RALGAPA2: variants seen among roughly 807,000 people sequenced by gnomAD.
RALGAPA2 encodes the protein Ral GTPase activating protein catalytic subunit alpha 2.
RALGAPA2 carries 139 observed loss-of-function variants against 230.4 expected under a neutral mutation model. That is an observed-to-expected ratio of 0.60 (90% CI 0.53 to 0.69). The LOEUF (loss-of-function observed/expected upper bound fraction) is 0.69, where lower values mean the gene tolerates loss of function less well. Among genes scored for constraint, RALGAPA2 ranks in the 30% least tolerant of loss-of-function variants. The pLI is 0.00. For synonymous variants in RALGAPA2, 847 were observed against 837.8 expected (o/e 1.01, Z -0.19); for missense variants, 2,163 against 2,276.0 (o/e 0.95, Z 1.01).
intron 9 of RALGAPA2, among the ~76,000 whole-genome samples, chr20:20,630,681 C>G (rs1045892347): frequency 6.6e-6 from 1 of 152,148 alleles, no homozygotes; most frequent in African/African-American, 2.4e-5. Context: ...GAAGCTTCAG[C>G]AGGAATGACT....
intron 35 of RALGAPA2, 127 bp downstream of exon 35, chr20:20,503,224 A>T: frequency 1.1e-6 from 1 of 938,656 alleles, no homozygotes. Context: ...CCCAAACCTT[A>T]ATCTCAGGGT....
chr20:20,674,926 G>A (rs541627536), intron 3 of RALGAPA2, among the ~76,000 whole-genome samples: 2 of 152,290 alleles, frequency 1.3e-5, no homozygotes, highest in African/African-American at 4.8e-5. Context: ...GTAGCTTTTA[G>A]TTCCTAAAAT....
chr20:20,528,071 G>C (rs1435354212), intron 27 of RALGAPA2, among the ~76,000 whole-genome samples: 1 of 152,154 alleles, frequency 6.6e-6, no homozygotes. Context: ...CCTGGAGAAT[G>C]CAGGGGGGAT....
chr20:20,618,704 G>A (rs2066228260), intron 12 of RALGAPA2, among the ~76,000 whole-genome samples: 1 of 152,156 alleles, frequency 6.6e-6, no homozygotes, highest in South Asian at 2.1e-4. Context: ...AGCTACATGA[G>A]ATCTGAGAGG....
intron 18 of RALGAPA2, 49 bp downstream of exon 18, chr20:20,589,219 T>C: frequency 6.6e-7 from 1 of 1,515,686 alleles, no homozygotes; most frequent in Middle Eastern, 1.7e-4. Context: ...TGAGCACTAA[T>C]TAATGTTTAT....
At chr20:20,583,322 A>ACGCAGT in intron 19 of RALGAPA2, 96 bp from the exon 20 acceptor site, 1 of 1,286,398 alleles carries the variant, frequency 7.8e-7, no homozygotes, top group South Asian at 1.5e-5. Flanking sequence ...CAAACAGCAG[A>ACGCAGT]CACAGTAGGA....
At position 20,575,470 on chromosome 20, in the gene RALGAPA2, T is replaced by G. The variant is rs571425896; in HGVS notation, c.2708-2402A>C. On this transcript the variant is annotated intron_variant, in intron 20 of 39. Transcript: ENST00000202677. The stretch of plus-strand genomic sequence containing the variant: ...TGCTCAAAGAGTATGAAAACTCTCC[T>G]TTAATCCCTCTGTTTTCAAGACAGC... Among the ~76,000 whole-genome samples, 13 of 152,030 alleles carry G rather than the reference T, an allele frequency of 8.6e-5. No individual in the cohort carries two copies. The South Asian group carries it at 2.7e-3, about 32-fold the overall frequency.
intron 3 of RALGAPA2, among the ~76,000 whole-genome samples, chr20:20,662,278 T>C (rs1159584366): frequency 1.3e-5 from 2 of 151,882 alleles, no homozygotes; most frequent in African/African-American, 4.8e-5. Context: ...TTCTCAATTA[T>C]TTGTGGATTT....
chr20:20,687,187 A>G (rs1489568061), intron 1 of RALGAPA2, among the ~76,000 whole-genome samples: 1 of 152,254 alleles, frequency 6.6e-6, no homozygotes, highest in Non-Finnish European at 1.5e-5. Flanking sequence ...ACAACTTAAT[A>G]AAACAGTCAT....
chr20:20,524,632 A>G (rs1196234782), intron 29 of RALGAPA2, 89 bp from the exon 30 acceptor site: 7 of 1,524,910 alleles, frequency 4.6e-6, no homozygotes, highest in Non-Finnish European at 6.3e-6. Context: ...TACACCCAGT[A>G]TTCAGTGGAC....
chr20:20,455,415 G>A lies in RALGAPA2; in HGVS notation c.5495+17414C>T, dbSNP rs547985789. The stretch of plus-strand genomic sequence containing the variant: ...GGAAACACTAAAGAGCTGGGGGATC[G>A]GGCCAAAGGCTGGAATGTCATCACC... On this transcript the variant is annotated intron_variant, in intron 37 of 39. Transcript: ENST00000202677. 1.8e-4 allele frequency among the ~76,000 whole-genome samples: 28 copies of A among 152,280 alleles called. No homozygotes were observed. The South Asian group carries it at 5.4e-3, about 29-fold the overall frequency.
intron 37 of RALGAPA2, among the ~76,000 whole-genome samples, chr20:20,463,945 T>C (rs2061358963): frequency 1.3e-5 from 2 of 152,256 alleles, no homozygotes; most frequent in South Asian, 4.1e-4. Context: ...GGAACAACAG[T>C]GGAATTTGTG....
chr20:20,490,861 AACAC>A lies in RALGAPA2; in HGVS notation c.5367+4252_5367+4255del, dbSNP rs34230105. On this transcript the variant is annotated intron_variant, in intron 36 of 39. Coordinates refer to ENST00000202677, the MANE Select transcript of RALGAPA2 (RefSeq NM_020343.4). Reference sequence around the variant, plus strand: ...GAAGAGGGATGCATGAACACACATGAACACACACACACACACACACACACACACA... The same window carrying A: ...GAAGAGGGATGCATGAACACACATGAACACACACACACACACACACACACA... 5.1e-3 allele frequency among the ~76,000 whole-genome samples: 732 copies of A among 142,264 alleles called. 7 individuals are homozygous for A. Among genetic ancestry groups the A allele is most frequent in the East Asian group, 0.028 (136 of 4,804 alleles). The allele number at this position is 142,264 out of a possible 152,430, so 93.3% of individuals were successfully genotyped here.
At chr20:20,595,014 C>T (rs2065409330) in intron 16 of RALGAPA2, among the ~76,000 whole-genome samples, 1 of 152,026 alleles carries the variant, frequency 6.6e-6, no homozygotes, top group Non-Finnish European at 1.5e-5. Flanking sequence ...CCACTGCGCC[C>T]GGCCTAAACT....
chr20:20,665,558 A>G (rs1320229092), intron 3 of RALGAPA2, among the ~76,000 whole-genome samples: 5 of 152,226 alleles, frequency 3.3e-5, no homozygotes, highest in Non-Finnish European at 7.3e-5. Context: ...AGTCTTTAAT[A>G]CTAAATTTGC....
intron 20 of RALGAPA2, among the ~76,000 whole-genome samples, chr20:20,579,075 C>G (rs898088401): frequency 6.6e-6 from 1 of 152,176 alleles, no homozygotes; most frequent in Admixed American, 6.6e-5. Context: ...TGGCAGGTAA[C>G]AGGAGCTGTA....
Position 20,624,509 on chromosome 20 carries a change from A to T in RALGAPA2, c.1234-3879T>A, listed in dbSNP as rs1002080893. On this transcript the variant is annotated intron_variant, in intron 10 of 39. Coordinates refer to ENST00000202677, the MANE Select transcript of RALGAPA2 (RefSeq NM_020343.4). The stretch of plus-strand genomic sequence containing the variant: ...GATGAATTAATCTGTGTAAATACAG[A>T]ATCAAGACTAAACAACTCTGTACAT... Among the ~76,000 whole-genome samples the T allele has an allele frequency of 2.6e-5, 4 of 152,170 alleles. No individual in the cohort carries two copies. The East Asian group carries it at 7.7e-4, about 29-fold the overall frequency.
chr20:20,530,938 C>A (rs962775243), intron 27 of RALGAPA2, among the ~76,000 whole-genome samples: 1 of 152,130 alleles, frequency 6.6e-6, no homozygotes, highest in African/African-American at 2.4e-5. Flanking sequence ...TTATTACCAC[C>A]ATTTCCAAGC....
Position 20,591,249 on chromosome 20 carries a change from G to GCTC in RALGAPA2, c.2268_2269insGAG (p.Gly756_Gln757insGlu). 6.2e-7 allele frequency: 1 copy of GCTC among 1,613,920 alleles called. No homozygotes were observed. The highest frequency in any genetic ancestry group is 8.5e-7 in the Non-Finnish European group (1 of 1,179,838). On this transcript the variant is annotated inframe_insertion, in exon 17 of 40. Coordinates refer to ENST00000202677, the MANE Select transcript of RALGAPA2 (RefSeq NM_020343.4). ...CTGCTCCGAAGGACCTGCTGCTGCT[G>GCTC]TCCCACTGTGAGATGGCCAGATCCG...
Sources: gnomAD v4.1 joint callset for allele counts (sites outside exome capture counted in the v4.1 genomes callset) on GRCh38, gnomAD v4.1.1 for gene constraint, MANE v1.5 for transcripts, NCBI Gene and HGNC (gene_info 2026-07-23, HGNC 2026-07-21) for gene names.